IGF1R: variants seen among roughly 807,000 people sequenced by gnomAD.
IGF1R encodes the protein insulin-like growth factor 1 receptor.
In IGF1R, 44 loss-of-function variants were observed where a neutral mutation model predicts 144.6. The ratio of observed to expected loss-of-function variants is 0.30; its 90% CI spans 0.24 to 0.39. The LOEUF (loss-of-function observed/expected upper bound fraction) is 0.39. Ranked by LOEUF, IGF1R falls within the 10% of genes least tolerant of loss-of-function variation. The pLI is 1.00. For missense variants in IGF1R, 1,355 were observed against 1,833.7 expected (o/e 0.74, Z 4.77); for synonymous variants, 795 against 722.8 (o/e 1.10, Z -1.60).
chr15:98,752,144 T>G (rs894620249), intron 2 of IGF1R, among the ~76,000 whole-genome samples: 4 of 152,156 alleles, frequency 2.6e-5, no homozygotes, highest in Non-Finnish European at 5.9e-5. Flanking sequence ...CAGTTGCTCA[T>G]TTACCCTTCC....
intron 8 of IGF1R, among the ~76,000 whole-genome samples, chr15:98,913,591 CTTGT>C (rs1310007569): frequency 2.0e-5 from 3 of 152,198 alleles, no homozygotes; most frequent in African/African-American, 7.2e-5. Context: ...GCCCTTGTTT[CTTGT>C]TTGTTTTGAT....
chr15:98,874,038 CG>C (rs1399752027), intron 2 of IGF1R, among the ~76,000 whole-genome samples: 1 of 151,984 alleles, frequency 6.6e-6, no homozygotes, highest in Non-Finnish European at 1.5e-5. Flanking sequence ...CTTCCTCTGC[CG>C]GGGGTTTAGA....
intron 2 of IGF1R, among the ~76,000 whole-genome samples, chr15:98,839,876 A>T (rs2011145318): frequency 6.6e-6 from 1 of 152,138 alleles, no homozygotes; most frequent in Non-Finnish European, 1.5e-5. Context: ...TGCTCAGATG[A>T]TCCTTGGTTC....
chr15:98,649,726 G>A, intron 1 of IGF1R, 51 bp downstream of exon 1: 1 of 1,394,030 alleles, frequency 7.2e-7, no homozygotes, highest in Non-Finnish European at 1.0e-6. Flanking sequence ...TTCCTCCGAG[G>A]GGCTGCGCCC....
In IGF1R at chr15:98,963,848, C is replaced by T. The variant is rs987923109; in HGVS notation, c.*6406C>T. On this transcript the variant is annotated 3_prime_UTR_variant, in exon 21 of 21. Coordinates refer to ENST00000650285, the MANE Select transcript of IGF1R (RefSeq NM_000875.5). ...ACACAAAAATTGGTTTTAAAGTTGACTCCACTTCCTCTAACTCCAGTGGAT... is the reference window on the plus strand; with the variant it reads ...ACACAAAAATTGGTTTTAAAGTTGATTCCACTTCCTCTAACTCCAGTGGAT... 2 of 233,030 alleles carry T rather than the reference C, an allele frequency of 8.6e-6. No individual in the cohort carries two copies. Among genetic ancestry groups the T allele is most frequent in the Admixed American group, 5.6e-5 (1 of 17,772 alleles). 14.4% of individuals were successfully genotyped at this position (233,030 alleles called of 1,614,324 possible).
At chr15:98,822,736 C>T (rs1234162012) in intron 2 of IGF1R, among the ~76,000 whole-genome samples, 1 of 152,130 alleles carries the variant, frequency 6.6e-6, no homozygotes, top group Non-Finnish European at 1.5e-5. Context: ...AAATAAAAAT[C>T]AGAATAAACT....
At position 98,935,856 on chromosome 15, in the gene IGF1R, G is replaced by T. The variant is rs2016124667; in HGVS notation, c.3297+430G>T. Reference sequence around the variant, plus strand: ...CTCTCTCGTTATGTTGTGTTGTGCTGTTGTTGGAGTGTGTCCCCCCTCCAC... The same window carrying T: ...CTCTCTCGTTATGTTGTGTTGTGCTTTTGTTGGAGTGTGTCCCCCCTCCAC... On this transcript the variant is annotated intron_variant, in intron 17 of 20. Coordinates refer to ENST00000650285, the MANE Select transcript of IGF1R (RefSeq NM_000875.5). This position sits in a 1 kb window ranked among gnomAD's most constrained non-coding sequence, Gnocchi z 4.2. Among the ~76,000 whole-genome samples, 1 of 152,168 alleles carries T rather than the reference G, an allele frequency of 6.6e-6. No homozygotes were observed.
chr15:98,823,733 T>C (rs1269574312), intron 2 of IGF1R, among the ~76,000 whole-genome samples: 1 of 152,186 alleles, frequency 6.6e-6, no homozygotes, highest in African/African-American at 2.4e-5. Flanking sequence ...CCATAACTTC[T>C]TGGTTTCATG....
chr15:98,788,058 C>CTGTGTGTG (rs1462764560), intron 2 of IGF1R, among the ~76,000 whole-genome samples: 162 of 128,064 alleles, frequency 1.3e-3, no homozygotes, highest in African/African-American at 4.0e-3. Flanking sequence ...CTCTCTCTCT[C>CTGTGTGTG]TCTCTGTGTG....
chr15:98,936,572 G>A (rs57269588), intron 17 of IGF1R, among the ~76,000 whole-genome samples: 9,569 of 151,290 alleles, frequency 0.063, 1,024 homozygotes, highest in African/African-American at 0.22. Flanking sequence ...TCCCCTTCTC[G>A]GCCCCTTTGG....
intron 2 of IGF1R, among the ~76,000 whole-genome samples, chr15:98,860,144 T>C (rs536051619): frequency 2.0e-5 from 3 of 152,258 alleles, no homozygotes; most frequent in Non-Finnish European, 4.4e-5. Flanking sequence ...TTTCTTGAAG[T>C]ATTGACTGAT....
intron 2 of IGF1R, among the ~76,000 whole-genome samples, chr15:98,732,694 C>A (rs2054521805): frequency 6.6e-6 from 1 of 152,194 alleles, no homozygotes; most frequent in African/African-American, 2.4e-5. Context: ...GATGACCACC[C>A]TTGCCATTAA....
chr15:98,681,955 G>C (rs1416670854), intron 1 of IGF1R, among the ~76,000 whole-genome samples: 1 of 152,044 alleles, frequency 6.6e-6, no homozygotes, highest in Non-Finnish European at 1.5e-5. Flanking sequence ...ATGTGGATGG[G>C]GCCCTTACAC....
intron 2 of IGF1R, among the ~76,000 whole-genome samples, chr15:98,849,025 T>C (rs1314550704): frequency 6.6e-6 from 1 of 151,916 alleles, no homozygotes; most frequent in Non-Finnish European, 1.5e-5. Context: ...CAATTTAATA[T>C]AAATCCAAAT....
At chr15:98,912,645 G>A (rs571995864) in intron 7 of IGF1R, among the ~76,000 whole-genome samples, 32 of 152,336 alleles carry the variant, frequency 2.1e-4, no homozygotes, top group African/African-American at 7.5e-4. Flanking sequence ...AGCTACTTCT[G>A]TTTGTCTGTA....
At chr15:98,794,726 T>C (rs1790254549) in intron 2 of IGF1R, among the ~76,000 whole-genome samples, 2 of 152,198 alleles carry the variant, frequency 1.3e-5, no homozygotes, top group Non-Finnish European at 2.9e-5. Flanking sequence ...AGTTTCAAAA[T>C]GGAATAATTT....
intron 1 of IGF1R, among the ~76,000 whole-genome samples, chr15:98,699,027 G>A (rs1403906212): frequency 6.6e-6 from 1 of 152,246 alleles, no homozygotes; most frequent in East Asian, 1.9e-4. Context: ...GAGGACAGGG[G>A]ACACAGGGCC....
intron 3 of IGF1R, among the ~76,000 whole-genome samples, chr15:98,894,436 T>C (rs772532432): frequency 2.6e-5 from 4 of 151,852 alleles, no homozygotes; most frequent in Non-Finnish European, 4.4e-5. Flanking sequence ...CTATGATAGA[T>C]AGTTAGTTAA....
chr15:98,885,239 G>A (rs2013582485), intron 2 of IGF1R, among the ~76,000 whole-genome samples: 1 of 152,158 alleles, frequency 6.6e-6, no homozygotes, highest in African/African-American at 2.4e-5. Flanking sequence ...ACCTACCTGA[G>A]GCCTGACTGC....
Sources: gnomAD v4.1 joint callset for allele counts (sites outside exome capture counted in the v4.1 genomes callset) on GRCh38, gnomAD v4.1.1 for gene constraint, Gnocchi (gnomAD v3.1) non-coding constraint, MANE v1.5 for transcripts, NCBI Gene and HGNC (gene_info 2026-07-23, HGNC 2026-07-21) for gene names.